Variants in DIS3L2 observed in about 807,000 individuals in gnomAD.
The protein encoded by DIS3L2 is DIS3-like exonuclease 2.
A neutral mutation model predicts 97.5 loss-of-function variants in DIS3L2; 34 were observed. The ratio of observed to expected loss-of-function variants is 0.35; its 90% CI spans 0.27 to 0.46. The LOEUF is 0.46. Ranked by LOEUF, DIS3L2 falls within the 20% of genes least tolerant of loss-of-function variation. The pLI is 1.00. For missense variants in DIS3L2, 1,038 were observed against 1,146.0 expected (o/e 0.91, Z 1.36); for synonymous variants, 435 against 445.2 (o/e 0.98, Z 0.29).
chr2:232,256,720 C>T (rs888911600), intron 12 of DIS3L2, among the ~76,000 whole-genome samples: 4 of 152,108 alleles, frequency 2.6e-5, no homozygotes, highest in Admixed American at 6.6e-5. Flanking sequence ...ATCAAAATTT[C>T]TCTCTGCCTT....
intron 5 of DIS3L2, among the ~76,000 whole-genome samples, chr2:232,071,407 A>T (rs372323731): frequency 1.3e-5 from 2 of 152,096 alleles, no homozygotes; most frequent in East Asian, 3.9e-4. Flanking sequence ...TGGTAGTCCC[A>T]GCTGTTCGGG....
chr2:232,331,488 T>C (rs536137307), intron 16 of DIS3L2, among the ~76,000 whole-genome samples: 1 of 152,304 alleles, frequency 6.6e-6, no homozygotes, highest in Non-Finnish European at 1.5e-5. Context: ...TCAGCTGACC[T>C]CAGTGGATTT....
At chr2:232,270,864 C>CTCTCTCTCTCTCTCTCTT (rs1559185095) in intron 13 of DIS3L2, among the ~76,000 whole-genome samples, 37 of 20,792 alleles carry the variant, frequency 1.8e-3, no homozygotes, top group African/African-American at 6.5e-3. Flanking sequence ...TTTCTCGTCT[C>CTCTCTCTCTCTCTCTCTT]TCTCTCTCTC....
At chr2:232,227,944 T>A (rs1692691285) in intron 10 of DIS3L2, among the ~76,000 whole-genome samples, 1 of 152,186 alleles carries the variant, frequency 6.6e-6, no homozygotes, top group South Asian at 2.1e-4. Context: ...GACTAGTAAT[T>A]ATGTCTTGTT....
intron 8 of DIS3L2, among the ~76,000 whole-genome samples, chr2:232,161,713 C>T (rs1474939217): frequency 2.6e-5 from 4 of 152,102 alleles, no homozygotes; most frequent in Admixed American, 6.5e-5. Context: ...TCAAGTGATC[C>T]ACCCGCCTTG....
intron 3 of DIS3L2, chr2:232,023,264 A>G (rs1694570228): frequency 6.6e-6 from 1 of 152,202 alleles, no homozygotes. Context: ...TTAAGGACTG[A>G]ATGATCATTT....
intron 5 of DIS3L2, among the ~76,000 whole-genome samples, chr2:232,070,883 G>C (rs991042188): frequency 5.9e-5 from 9 of 152,062 alleles, no homozygotes; most frequent in Admixed American, 2.6e-4. Flanking sequence ...CGCCCAGCCA[G>C]GTTATGGTTC....
At chr2:232,250,229 T>TA (rs1276950229) in intron 12 of DIS3L2, among the ~76,000 whole-genome samples, 1 of 151,944 alleles carries the variant, frequency 6.6e-6, no homozygotes, top group Non-Finnish European at 1.5e-5. Flanking sequence ...TAAATGGAAG[T>TA]AAAAAAAGAT....
intron 9 of DIS3L2, among the ~76,000 whole-genome samples, chr2:232,200,152 G>T (rs1311775112): frequency 6.6e-6 from 1 of 152,154 alleles, no homozygotes; most frequent in Non-Finnish European, 1.5e-5. Context: ...TATAAATATG[G>T]AATGGGGGAG....
Position 232,263,452 on chromosome 2 carries a change from T to C in DIS3L2, c.1659+12T>C. 6.2e-7 allele frequency: 1 copy of C among 1,613,408 alleles called. No homozygotes were observed. The highest frequency in any genetic ancestry group is 8.5e-7 in the Non-Finnish European group (1 of 1,179,476). ...TTCGTTTGGATCAGGTCAGTACGTG[T>C]TTTTTTAGTGTAGCCAACAGATTTG... On this transcript the variant is annotated intron_variant, in intron 13 of 20. Transcript: ENST00000325385.
intron 1 of DIS3L2, among the ~76,000 whole-genome samples, chr2:231,976,996 T>C (rs1183964048): frequency 6.6e-6 from 1 of 152,122 alleles, no homozygotes; most frequent in South Asian, 2.1e-4. Flanking sequence ...CTCTATCTCC[T>C]GACCTCGTGA....
intron 10 of DIS3L2, among the ~76,000 whole-genome samples, chr2:232,218,525 A>T (rs1692409738): frequency 6.6e-6 from 1 of 152,002 alleles, no homozygotes; most frequent in Non-Finnish European, 1.5e-5. Flanking sequence ...AGGTGGGAGG[A>T]TCATTTGAGG....
intron 1 of DIS3L2, among the ~76,000 whole-genome samples, chr2:231,966,650 T>C (rs1692727049): frequency 1.7e-5 from 2 of 114,540 alleles, no homozygotes; most frequent in African/African-American, 7.9e-5. Flanking sequence ...CATTTTTTTT[T>C]TTTTTTTTTT....
At chr2:232,008,782 G>C (rs1209513436) in intron 1 of DIS3L2, among the ~76,000 whole-genome samples, 1 of 152,142 alleles carries the variant, frequency 6.6e-6, no homozygotes, top group Non-Finnish European at 1.5e-5. Flanking sequence ...GATCAGTTGT[G>C]GGTTCAAAAG....
At chr2:232,181,932 G>T (rs771876335) in intron 9 of DIS3L2, among the ~76,000 whole-genome samples, 1 of 152,056 alleles carries the variant, frequency 6.6e-6, no homozygotes, top group South Asian at 2.1e-4. Flanking sequence ...GATTACAGGC[G>T]TGAGCCACCG....
chr2:232,300,162 A>C, intron 14 of DIS3L2, 43 bp downstream of exon 14: 1 of 1,581,444 alleles, frequency 6.3e-7, no homozygotes. Flanking sequence ...ACATGTGTGC[A>C]GCAGTGGTGC....
intron 5 of DIS3L2, among the ~76,000 whole-genome samples, chr2:232,030,297 A>G (rs891523977): frequency 2.6e-5 from 4 of 152,130 alleles, no homozygotes; most frequent in East Asian, 1.9e-4. Context: ...CTCTCTCTCT[A>G]GTGATCCATC....
At chr2:232,203,014 G>A (rs1297108494) in intron 9 of DIS3L2, among the ~76,000 whole-genome samples, 3 of 152,228 alleles carry the variant, frequency 2.0e-5, no homozygotes, top group Non-Finnish European at 4.4e-5. Context: ...GCACCCATCT[G>A]GCTGGGCTCT....
intron 13 of DIS3L2, among the ~76,000 whole-genome samples, chr2:232,298,253 A>C (rs1694768244): frequency 6.6e-6 from 1 of 152,168 alleles, no homozygotes; most frequent in Admixed American, 6.5e-5. Flanking sequence ...TGCAAATAAA[A>C]CTTTTCTTCC....
Sources: allele counts gnomAD v4.1 joint callset (sites outside exome capture counted in the v4.1 genomes callset), GRCh38; gene constraint gnomAD v4.1.1; transcripts MANE v1.5; gene names NCBI Gene and HGNC (gene_info 2026-07-23, HGNC 2026-07-21).